Variants in SACS observed in about 807,000 individuals in gnomAD.
The protein encoded by SACS is sacsin.
In SACS, 197 loss-of-function variants were observed where a neutral mutation model predicts 348.0. The observed-to-expected ratio is 0.57, with a 90% CI of 0.50 to 0.64. SACS has a LOEUF of 0.64. SACS is among the 30% of genes least tolerant of loss of function. The pLI is 0.00. For missense variants in SACS, 4,999 were observed against 5,360.8 expected (o/e 0.93, Z 2.11); for synonymous variants, 1,985 against 1,910.6 (o/e 1.04, Z -1.02).
At chr13:23,349,597 A>G (rs1012800073) in intron 9 of SACS, among the ~76,000 whole-genome samples, 1 of 152,244 alleles carries the variant, frequency 6.6e-6, no homozygotes, top group Non-Finnish European at 1.5e-5. Context: ...GATCTGCTGC[A>G]ATAACACAAA....
intron 1 of SACS, among the ~76,000 whole-genome samples, chr13:23,412,883 G>GA (rs902356984): frequency 1.6e-4 from 24 of 152,050 alleles, no homozygotes; most frequent in Admixed American, 1.2e-3. Flanking sequence ...ATAAATAGAA[G>GA]AAAAAAATGA....
At chr13:23,379,844 T>A (rs1871968525) in intron 2 of SACS, among the ~76,000 whole-genome samples, 1 of 152,184 alleles carries the variant, frequency 6.6e-6, no homozygotes, top group East Asian at 1.9e-4. Context: ...AGATATTGTC[T>A]TCTATGAACA....
Position 23,337,734 on chromosome 13 carries a change from C to T in SACS, c.6142G>A (p.Glu2048Lys). 1.9e-6 allele frequency: 3 copies of T among 1,613,654 alleles called. No individual in the cohort carries two copies. The highest frequency in any genetic ancestry group is 2.5e-6 in the Non-Finnish European group (3 of 1,179,908). ...EEAGCKQILL[E>K]NTFSEKQFFS... ...AACTGTTTCTCTGAAAATGTGTTTT[C>T]AAGTAGTATCTGTTTGCAGCCAGCT... The change falls in exon 10 of 10, where the codon GAA becomes AAA. Residue 2048 changes from glutamate (E) to lysine (K), a missense_variant. Physicochemically the swap from Glu to Lys is moderately conservative, Grantham distance 56. Coordinates refer to ENST00000382292, the MANE Select transcript of SACS (RefSeq NM_014363.6).
At position 23,424,469 on chromosome 13, in the gene SACS, G is replaced by A. The variant is rs953820270; in HGVS notation, c.-502+9146C>T. 7.9e-5 allele frequency among the ~76,000 whole-genome samples: 12 copies of A among 151,568 alleles called. No individual in the cohort carries two copies. The East Asian group carries it at 2.1e-3, about 27-fold the overall frequency. ...GAACCCGGGAGGCGGAGGTTGCAGC[G>A]AGCCGAGATCACGCCACTGCCCTCC... On this transcript the variant is annotated intron_variant, in intron 1 of 9. Transcript: ENST00000382292.
chr13:23,364,772 C>T (rs190131547), intron 6 of SACS, among the ~76,000 whole-genome samples: 43 of 152,284 alleles, frequency 2.8e-4, no homozygotes, highest in African/African-American at 9.6e-4. Flanking sequence ...ACCCAACTTC[C>T]AAACAATGTC....
chr13:23,335,416 A>G lies in SACS; in HGVS notation c.8460T>C (p.Ile2820=). Reference sequence around the variant, plus strand: ...TACTTGAAAAGCCTGATCTATTACAAATTAGCCACGTAGTAAGATTTCCTT... The same window carrying G: ...TACTTGAAAAGCCTGATCTATTACAGATTAGCCACGTAGTAAGATTTCCTT... ...DSEGNLTTWL[I]CNRSGFSSME... Residue 2820 remains isoleucine, a synonymous_variant, in exon 10 of 10, where the codon ATT becomes ATC. Transcript: ENST00000382292. This position sits in a 1 kb window ranked among gnomAD's most constrained non-coding sequence, Gnocchi z 4.7. 1.9e-6 allele frequency: 3 copies of G among 1,613,932 alleles called. No homozygotes were observed. Among genetic ancestry groups the G allele is most frequent in the Non-Finnish European group, 2.5e-6 (3 of 1,179,898 alleles).
rs1031471964 is a variant in SACS at position 23,335,272 on chromosome 13, G to A, written c.8604C>T (p.Phe2868=). The part of the protein sequence containing the change: ...THNYKKPHRA[F]CFLPLSLETG... ...TCTCCAAAGAAAGAGGCAAAAAACA[G>A]AAGGCCCTATGGGGTTTTTTATAGT... The change falls in exon 10 of 10, where the codon TTC becomes TTT. Residue 2868 remains phenylalanine (F), a synonymous_variant. Transcript: ENST00000382292. The surrounding 1 kb of genome is among the most constrained non-coding windows in gnomAD (Gnocchi z 4.7). The A allele has an allele frequency of 1.2e-6, 2 of 1,613,940 alleles. No individual in the cohort carries two copies. The highest frequency in any genetic ancestry group is 1.1e-5 in the South Asian group (1 of 91,080).
At position 23,330,963 on chromosome 13, in the gene SACS, C is replaced by T. The variant is rs376376974; in HGVS notation, c.12913G>A (p.Glu4305Lys). 1.2e-6 allele frequency: 2 copies of T among 1,614,050 alleles called. No homozygotes were observed. The highest frequency in any genetic ancestry group is 8.5e-7 in the Non-Finnish European group (1 of 1,179,988). ...PKKLKVNSLP[E>K]ILKEVTSVVE... ...ACAGATGTCACTTCTTTTAAGATTT[C>T]TGGTAAAGAATTAACCTTAAGCTTT... The change falls in exon 10 of 10, where the codon GAA (glutamate) becomes AAA (lysine). Residue 4305 changes from glutamate to lysine, a missense_variant. By Grantham distance (56) the Glu-to-Lys change is moderately conservative. Around this residue, in one of 6 missense-constraint regions of SACS, gnomAD observed 831 missense variants for 941.8 expected, o/e 0.88. Coordinates refer to ENST00000382292, the MANE Select transcript of SACS (RefSeq NM_014363.6).
chr13:23,375,297 G>C (rs1298797268), intron 2 of SACS, 28 bp from the exon 3 acceptor site: 1 of 1,399,058 alleles, frequency 7.1e-7, no homozygotes, highest in Non-Finnish European at 9.4e-7. Context: ...ACGCTCAGTC[G>C]GGCTGCGGCT....
intron 9 of SACS, among the ~76,000 whole-genome samples, chr13:23,347,080 A>C (rs1393388829): frequency 6.6e-6 from 1 of 152,234 alleles, no homozygotes; most frequent in African/African-American, 2.4e-5. Context: ...GTTCAGAAAG[A>C]AAGCAAAGAA....
At chr13:23,411,103 T>C in intron 2 of SACS, 117 bp downstream of exon 2, 4 of 825,382 alleles carry the variant, frequency 4.8e-6, no homozygotes, top group Non-Finnish European at 8.3e-6. Flanking sequence ...GATGGTTAGT[T>C]CACTTTTACC....
chr13:23,423,819 G>A (rs987389062), intron 1 of SACS, among the ~76,000 whole-genome samples: 2 of 152,164 alleles, frequency 1.3e-5, no homozygotes, highest in African/African-American at 4.8e-5. Context: ...GAAGCTTTGA[G>A]CTTTGGGATG....
At chr13:23,382,498 T>C (rs958314624) in intron 2 of SACS, among the ~76,000 whole-genome samples, 2 of 152,190 alleles carry the variant, frequency 1.3e-5, no homozygotes, top group Non-Finnish European at 2.9e-5. Flanking sequence ...ATATATTAAA[T>C]AGTTATAAAA....
chr13:23,427,008 C>T (rs1874214189), intron 1 of SACS: 1 of 152,124 alleles, frequency 6.6e-6, no homozygotes, highest in African/African-American at 2.4e-5. Context: ...GGGAGTAGCA[C>T]CACCTGATGG....
chr13:23,354,614 C>T lies in SACS; in HGVS notation c.1998G>A (p.Leu666=). 2 of 1,614,196 alleles carry T rather than the reference C, an allele frequency of 1.2e-6. No homozygotes were observed. Among genetic ancestry groups the T allele is most frequent in the South Asian group, 1.1e-5 (1 of 91,084 alleles). The part of the protein sequence containing the change: ...SDQAYSELLG[L]ELLPLQNGNF... ...TGCCATTTTGTAAAGGGAGCAGCTC[C>T]AGCCCAAGCAGCTCACTGTAGGCTT... Residue 666 remains leucine, a synonymous_variant, in exon 8 of 10, where the codon CTG becomes CTA. Coordinates refer to ENST00000382292, the MANE Select transcript of SACS (RefSeq NM_014363.6).
chr13:23,358,124 C>T (rs1870508923), intron 7 of SACS, among the ~76,000 whole-genome samples: 1 of 152,162 alleles, frequency 6.6e-6, no homozygotes, highest in Admixed American at 6.5e-5. Flanking sequence ...TTTGGCATCA[C>T]ATGATGAAGG....
At chr13:23,375,579 C>T (rs1254342156) in intron 2 of SACS, 9 of 1,029,240 alleles carry the variant, frequency 8.7e-6, no homozygotes, top group Non-Finnish European at 9.3e-6. Context: ...GGCCCACTCC[C>T]GGCCCTGCAG....
chr13:23,417,797 G>A (rs899601805), intron 1 of SACS, among the ~76,000 whole-genome samples: 4 of 151,960 alleles, frequency 2.6e-5, no homozygotes, highest in Non-Finnish European at 4.4e-5. Context: ...GGCCGGGTGC[G>A]GTGGCTCACA....
In SACS at chr13:23,334,273, C is replaced by G. The variant is rs1455850429; in HGVS notation, c.9603G>C (p.Leu3201Phe). Residue 3201 changes from leucine to phenylalanine, a missense_variant, in exon 10 of 10, where the codon TTG becomes TTC. Physicochemically the swap from Leu to Phe is conservative, Grantham distance 22. Around this residue, in one of 6 missense-constraint regions of SACS, gnomAD observed 734 missense variants for 694.0 expected, o/e 1.06. Coordinates refer to ENST00000382292, the MANE Select transcript of SACS (RefSeq NM_014363.6). ...TLYLKYSNIL[L>F]NCKVAKVFDI... ...CAAACACTTTTGCAACTTTACAGTT[C>G]AATAAAATATTACTATATTTCAAAT... The G allele has an allele frequency of 3.1e-6, 5 of 1,606,540 alleles. No homozygotes were observed. The highest frequency in any genetic ancestry group is 4.3e-6 in the Non-Finnish European group (5 of 1,176,126).
Sources: gnomAD v4.1 joint callset for allele counts (sites outside exome capture counted in the v4.1 genomes callset) on GRCh38, gnomAD v4.1.1 for gene constraint, gnomAD v4.1.1 regional missense constraint, Gnocchi (gnomAD v3.1) non-coding constraint, MANE v1.5 for transcripts, NCBI Gene and HGNC (gene_info 2026-07-23, HGNC 2026-07-21) for gene names.